The following TMEM63A variants were observed in gnomAD, a reference collection of about 807,000 sequenced individuals.
TMEM63A encodes transmembrane protein 63A.
TMEM63A carries 76 observed loss-of-function variants against 100.6 expected under a neutral mutation model. The ratio of observed to expected loss-of-function variants is 0.76; its 90% CI spans 0.63 to 0.91. The LOEUF (loss-of-function observed/expected upper bound fraction) is 0.91, where lower values mean the gene tolerates loss of function less well. Among genes scored for constraint, TMEM63A ranks in the 40% least tolerant of loss-of-function variants. TMEM63A has a pLI of 0.00. For synonymous variants in TMEM63A, 401 were observed against 401.1 expected, an observed-to-expected ratio of 1.00 and a Z score of 0.00; for missense variants, 876 against 1,008.8, an observed-to-expected ratio of 0.87 and a Z score of 1.78.
rs370524375 is a variant in TMEM63A at position 225,852,706 on chromosome 1, T to A, written c.1861A>T (p.Ile621Phe). 1.5e-5 allele frequency: 25 copies of A among 1,613,680 alleles called. No individual in the cohort carries two copies. The South Asian group carries it at 1.6e-4, about 11-fold the overall frequency. The change falls in exon 20 of 25, where the codon ATC becomes TTC. Residue 621 changes from isoleucine (I) to phenylalanine (F), a missense_variant. Ile to Phe is a conservative substitution (Grantham distance 21, BLOSUM62 0). This residue lies in a region of TMEM63A where 339 missense variants were observed against 342.3 expected (regional missense o/e 0.99). Transcript: ENST00000366835. ...GGACAAGTGATGCTGTAGGCCACGA[T>A]GACAGTGAAGACACACAGCATCCAT... ...YAWMLCVFTV[I>F]VAYSITCPII...
At chr1:225,872,689 C>CTT (rs67884791) in intron 4 of TMEM63A, among the ~76,000 whole-genome samples, 69 of 86,832 alleles carry the variant, frequency 7.9e-4, no homozygotes, top group Admixed American at 9.7e-4. Context: ...TGCTTTTCTT[C>CTT]TTTTTTTTTT....
intron 2 of TMEM63A, among the ~76,000 whole-genome samples, chr1:225,878,165 T>A (rs1025730120): frequency 1.3e-5 from 2 of 152,158 alleles, no homozygotes; most frequent in Non-Finnish European, 2.9e-5. Context: ...CAGAGATGGG[T>A]CCATCTGCTA....
chr1:225,868,077 G>C (rs140192805), intron 6 of TMEM63A, 47 bp from the exon 7 acceptor site: 8 of 1,607,190 alleles, frequency 5.0e-6, no homozygotes, highest in Non-Finnish European at 6.0e-6. Flanking sequence ...AACAGGCCTC[G>C]GGGCTCTGCA....
chr1:225,879,995 GA>G (rs1671010440), intron 1 of TMEM63A, among the ~76,000 whole-genome samples: 1 of 152,186 alleles, frequency 6.6e-6, no homozygotes, highest in African/African-American at 2.4e-5. Flanking sequence ...CTGCAGAGGA[GA>G]GAGGCCTCTG....
intron 20 of TMEM63A, 90 bp downstream of exon 20, chr1:225,852,574 G>T: frequency 7.9e-7 from 1 of 1,258,058 alleles, no homozygotes; most frequent in South Asian, 1.2e-5. Flanking sequence ...GAACTCCATT[G>T]TGCCCTGGTG....
chr1:225,853,553 G>C lies in TMEM63A; in HGVS notation c.1797+76C>G. On this transcript the variant is annotated intron_variant, in intron 19 of 24. Coordinates refer to ENST00000366835, the MANE Select transcript of TMEM63A (RefSeq NM_014698.3). The surrounding 1 kb of genome is among the most constrained non-coding windows in gnomAD (Gnocchi z 4.0). ...CTACCCACTAGTGGGGGTAGTGGGG[G>C]TGAGAGGCCCTCGGGTCAGTGAAGG... 1 of 1,401,202 alleles carries C rather than the reference G, an allele frequency of 7.1e-7. No homozygotes were observed. Among genetic ancestry groups the C allele is most frequent in the Non-Finnish European group, 9.5e-7 (1 of 1,053,482 alleles). The allele number at this position is 1,401,202 out of a possible 1,614,324, so 86.8% of individuals were successfully genotyped here.
At chr1:225,872,113 C>T (rs1166729222) in intron 4 of TMEM63A, 60 bp from the exon 5 acceptor site, 1 of 1,300,302 alleles carries the variant, frequency 7.7e-7, no homozygotes, top group African/African-American at 1.5e-5. Context: ...AAAAGCCAAA[C>T]AAGTCAAAAA....
At position 225,870,925 on chromosome 1, in the gene TMEM63A, A is replaced by G. The variant is rs150630818; in HGVS notation, c.371+151T>C. On this transcript the variant is annotated intron_variant, in intron 6 of 24. Transcript: ENST00000366835. ...GGGCTGCCTGGTCACCTTGATTCTCAGCCCTCACATACTGCTTTGGACATT... is the reference window on the plus strand; with the variant it reads ...GGGCTGCCTGGTCACCTTGATTCTCGGCCCTCACATACTGCTTTGGACATT... 4.5e-4 allele frequency: 325 copies of G among 725,558 alleles called. 4 individuals carry two copies. The African/African-American group carries it at 5.1e-3, about 11-fold the overall frequency. 44.9% of individuals were successfully genotyped at this position (725,558 alleles called of 1,614,324 possible).
intron 6 of TMEM63A, among the ~76,000 whole-genome samples, chr1:225,869,666 C>CTTTTCTTTTTTTTTTTT (rs76862516): frequency 9.1e-6 from 1 of 109,908 alleles, no homozygotes; most frequent in Non-Finnish European, 1.7e-5. Context: ...CTTTTCTTTT[C>CTTTTCTTTTTTTTTTTT]TTTTTTTTTT....
chr1:225,848,995 T>C lies in TMEM63A; in HGVS notation c.2089A>G (p.Thr697Ala). The C allele has an allele frequency of 7.5e-7, 1 of 1,328,572 alleles. No individual in the cohort carries two copies. Among genetic ancestry groups the C allele is most frequent in the East Asian group, 5.0e-5 (1 of 19,914 alleles). 82.3% of individuals were successfully genotyped at this position (1,328,572 alleles called of 1,614,324 possible). The change falls in exon 22 of 25, where the codon ACT becomes GCT. Residue 697 changes from threonine (T) to alanine (A), a missense_variant. Physicochemically the swap from Thr to Ala is moderately conservative, Grantham distance 58 (BLOSUM62 0). Coordinates refer to ENST00000366835, the MANE Select transcript of TMEM63A (RefSeq NM_014698.3). The stretch of plus-strand genomic sequence containing the variant: ...AGCAGCACCAGGAAGGTGAACAGAG[T>C]GGCGGGGGCCTTCATACCTGGTGAT... ...FLRLGMKAPA[T>A]LFTFLVLLLT...
At position 225,877,532 on chromosome 1, in the gene TMEM63A, T is replaced by C. The variant is rs112241897; in HGVS notation, c.49A>G (p.Ile17Val). ...LELWQSKAVSIREQLGLGDRP... is the reference protein window; with the variant it reads ...LELWQSKAVSVREQLGLGDRP... ...TCCCCGAGTCCCAGCTGCTCCCTGA[T>C]GGACACTGCCTTGGACTGCCACAGC... The change falls in exon 3 of 25, where the codon ATC becomes GTC. Residue 17 changes from isoleucine (I) to valine (V), a missense_variant. Physicochemically the swap from Ile to Val is conservative, Grantham distance 29. This residue lies in a region of TMEM63A where 43 missense variants were observed against 48.9 expected (regional missense o/e 0.88). Coordinates refer to ENST00000366835, the MANE Select transcript of TMEM63A (RefSeq NM_014698.3). The C allele has an allele frequency of 1.5e-4, 244 of 1,614,210 alleles. No homozygotes were observed. In the African/African-American group the frequency reaches 3.1e-3, roughly 20 times the overall value.
In TMEM63A at chr1:225,858,526, T is replaced by C. The variant is rs1051651882; in HGVS notation, c.1377+670A>G. Among the ~76,000 whole-genome samples, 7 of 152,092 alleles carry C rather than the reference T, an allele frequency of 4.6e-5. No individual in the cohort carries two copies. The South Asian group carries it at 8.3e-4, about 18-fold the overall frequency. On this transcript the variant is annotated intron_variant, in intron 15 of 24. Coordinates refer to ENST00000366835, the MANE Select transcript of TMEM63A (RefSeq NM_014698.3). Reference sequence around the variant, plus strand: ...TTTCAGTAGAGATGGGGTTGTGCCATGTTGGCCAGGCTAGTCTCGAACTCC... The same window carrying C: ...TTTCAGTAGAGATGGGGTTGTGCCACGTTGGCCAGGCTAGTCTCGAACTCC...
chr1:225,856,544 T>G, intron 17 of TMEM63A, 108 bp downstream of exon 17: 1 of 1,095,586 alleles, frequency 9.1e-7, no homozygotes, highest in Non-Finnish European at 1.4e-6. Context: ...GGCTTAGATA[T>G]TGTTAGAGGT....
At chr1:225,848,671 C>G in intron 22 of TMEM63A, 117 bp from the exon 23 acceptor site, 1 of 1,134,520 alleles carries the variant, frequency 8.8e-7, no homozygotes, top group Non-Finnish European at 1.3e-6. Context: ...GCACCAAGCT[C>G]CCCAGCAGCC....
chr1:225,850,154 C>T (rs114781399), intron 20 of TMEM63A, 75 bp from the exon 21 acceptor site: 69 of 1,554,502 alleles, frequency 4.4e-5, no homozygotes, highest in East Asian at 2.3e-4. Flanking sequence ...CTCTCCGGGG[C>T]GGCTATTTTG....
intron 23 of TMEM63A, among the ~76,000 whole-genome samples, chr1:225,847,776 C>T (rs141594050): frequency 2.0e-5 from 3 of 152,290 alleles, no homozygotes; most frequent in Non-Finnish European, 4.4e-5. Flanking sequence ...ATGAGTCCTT[C>T]TGAGGCCCTC....
intron 9 of TMEM63A, chr1:225,866,268 G>T: frequency 1.9e-6 from 1 of 520,742 alleles, no homozygotes; most frequent in Admixed American, 3.2e-5. Context: ...GAGGACCCAG[G>T]CCTGGAACCA....
chr1:225,856,988 G>A lies in TMEM63A; in HGVS notation c.1407C>T (p.Thr469=), dbSNP rs1272470224. The change falls in exon 16 of 25, where the codon ACC becomes ACT. Residue 469 remains threonine (T), a synonymous_variant. Coordinates refer to ENST00000366835, the MANE Select transcript of TMEM63A (RefSeq NM_014698.3). The part of the protein sequence containing the change: ...NNPIISQFFP[T]LLLWSFSALL... Reference sequence around the variant, plus strand: ...GGGCCGAGAAGGACCAGAGCAGGAGGGTGGGGAAGAACTGGCTGATGATCG... The same window carrying A: ...GGGCCGAGAAGGACCAGAGCAGGAGAGTGGGGAAGAACTGGCTGATGATCG... 2 of 1,588,638 alleles carry A rather than the reference G, an allele frequency of 1.3e-6. No individual in the cohort carries two copies. The highest frequency in any genetic ancestry group is 1.7e-6 in the Non-Finnish European group (2 of 1,172,426).
At chr1:225,861,173 G>T in intron 13 of TMEM63A, 176 bp from the exon 14 acceptor site, 1 of 618,422 alleles carries the variant, frequency 1.6e-6, no homozygotes, top group Non-Finnish European at 2.5e-6. Flanking sequence ...AGTGTGTGGA[G>T]AATTTTGTTT....
Sources: gnomAD v4.1 joint callset for allele counts (sites outside exome capture counted in the v4.1 genomes callset) on GRCh38, gnomAD v4.1.1 for gene constraint, gnomAD v4.1.1 regional missense constraint, Gnocchi (gnomAD v3.1) non-coding constraint, MANE v1.5 for transcripts, NCBI Gene and HGNC (gene_info 2026-07-23, HGNC 2026-07-21) for gene names.